The following USP13 variants were observed in gnomAD, a reference collection of about 807,000 sequenced individuals.
The protein encoded by USP13 is ubiquitin carboxyl-terminal hydrolase 13.
USP13 carries 68 observed loss-of-function variants against 107.8 expected under a neutral mutation model. The ratio of observed to expected loss-of-function variants is 0.63; its 90% CI spans 0.52 to 0.77. The LOEUF (loss-of-function observed/expected upper bound fraction) is 0.77, where lower values mean the gene tolerates loss of function less well. Ranked by LOEUF, USP13 falls within the 30% of genes least tolerant of loss-of-function variation. The pLI, the probability that USP13 is intolerant of heterozygous loss-of-function variation, is 0.00. For missense variants in USP13, 945 were observed against 1,093.3 expected (o/e 0.86, Z 1.91); for synonymous variants, 377 against 389.5 (o/e 0.97, Z 0.38).
intron 19 of USP13, among the ~76,000 whole-genome samples, chr3:179,771,637 A>C (rs1264940831): frequency 2.0e-5 from 3 of 152,192 alleles, no homozygotes; most frequent in African/African-American, 7.2e-5. Flanking sequence ...GTGTTAGGTT[A>C]CTGTTGCTTT....
chr3:179,700,381 C>G (rs549188822), intron 3 of USP13, among the ~76,000 whole-genome samples: 1 of 152,132 alleles, frequency 6.6e-6, no homozygotes, highest in Non-Finnish European at 1.5e-5. Flanking sequence ...TTATTGACTA[C>G]CTATTATATG....
intron 1 of USP13, among the ~76,000 whole-genome samples, chr3:179,657,836 A>G (rs925043084): frequency 6.6e-6 from 1 of 150,806 alleles, no homozygotes; most frequent in Non-Finnish European, 1.5e-5. Context: ...TCTGGTTGTC[A>G]GGGGTTGTGT....
chr3:179,777,193 G>A (rs1715572942), intron 19 of USP13, among the ~76,000 whole-genome samples: 1 of 152,084 alleles, frequency 6.6e-6, no homozygotes, highest in Non-Finnish European at 1.5e-5. Flanking sequence ...AACAAAGAGA[G>A]GAAAATGCTT....
chr3:179,699,430 A>G (rs74765892), intron 3 of USP13, among the ~76,000 whole-genome samples: 3,146 of 152,274 alleles, frequency 0.021, 123 homozygotes, highest in African/African-American at 0.073. Context: ...AAAACATTGA[A>G]ACCAGGCGTG....
intron 3 of USP13, among the ~76,000 whole-genome samples, chr3:179,695,796 C>T (rs1035776186): frequency 2.6e-5 from 4 of 152,022 alleles, no homozygotes; most frequent in Non-Finnish European, 4.4e-5. Context: ...ATTCTCTCAG[C>T]GATTGTCTAT....
chr3:179,658,854 A>T (rs116218031), intron 1 of USP13, among the ~76,000 whole-genome samples: 13,599 of 152,196 alleles, frequency 0.089, 820 homozygotes, highest in Non-Finnish European at 0.13. Context: ...AAGTATTTTG[A>T]CAAGCTGAGC....
chr3:179,700,854 C>CAGAT (rs1207185145), intron 3 of USP13, among the ~76,000 whole-genome samples, 154 bp from the exon 4 acceptor site: 1 of 152,154 alleles, frequency 6.6e-6, no homozygotes, highest in African/African-American at 2.4e-5. Flanking sequence ...TGGTTGAGGA[C>CAGAT]AGATGGACGG....
chr3:179,762,859 A>G (rs1715053021), intron 17 of USP13, among the ~76,000 whole-genome samples: 1 of 152,210 alleles, frequency 6.6e-6, no homozygotes, highest in South Asian at 2.1e-4. Context: ...TCCACCAGTA[A>G]TGAATGTGAG....
intron 17 of USP13, among the ~76,000 whole-genome samples, chr3:179,761,581 G>A (rs1001627798): frequency 6.6e-6 from 1 of 152,100 alleles, no homozygotes; most frequent in Non-Finnish European, 1.5e-5. Flanking sequence ...AATTAGCTGG[G>A]CATGGTGGTG....
At chr3:179,673,463 G>A (rs1271517497) in intron 1 of USP13, among the ~76,000 whole-genome samples, 1 of 152,170 alleles carries the variant, frequency 6.6e-6, no homozygotes, top group African/African-American at 2.4e-5. Flanking sequence ...CAATTTTCCT[G>A]CCTTCAAGGA....
intron 1 of USP13, among the ~76,000 whole-genome samples, chr3:179,659,997 C>G (rs1322116148): frequency 6.6e-6 from 1 of 152,142 alleles, no homozygotes; most frequent in South Asian, 2.1e-4. Flanking sequence ...GAGCCAAGAT[C>G]CCGCTATTCC....
intron 1 of USP13, among the ~76,000 whole-genome samples, chr3:179,667,825 T>G (rs1231454551): frequency 6.6e-6 from 1 of 152,210 alleles, no homozygotes; most frequent in Non-Finnish European, 1.5e-5. Context: ...TTTTTATATT[T>G]TTAGTAGAGA....
chr3:179,676,958 A>C (rs1028044491), intron 1 of USP13, among the ~76,000 whole-genome samples: 3 of 151,964 alleles, frequency 2.0e-5, no homozygotes, highest in South Asian at 2.1e-4. Flanking sequence ...TCCTGGGTTC[A>C]AGCGATTCTC....
chr3:179,701,873 T>C (rs896092481), intron 4 of USP13, among the ~76,000 whole-genome samples: 2 of 152,224 alleles, frequency 1.3e-5, no homozygotes, highest in African/African-American at 4.8e-5. Flanking sequence ...AGCCAGGTTT[T>C]GTTTTCCTTC....
intron 16 of USP13, among the ~76,000 whole-genome samples, chr3:179,757,340 A>C (rs1350702930): frequency 6.6e-6 from 1 of 152,128 alleles, no homozygotes; most frequent in Non-Finnish European, 1.5e-5. Context: ...GACCTGGAGT[A>C]ATTTACTTAC....
intron 6 of USP13, among the ~76,000 whole-genome samples, chr3:179,714,373 A>G (rs915559189): frequency 1.3e-5 from 2 of 152,206 alleles, no homozygotes; most frequent in Admixed American, 6.5e-5. Context: ...GAATCAGGGC[A>G]CGGACTACTT....
rs189899791 is a variant in USP13, at chr3:179,672,205, G to A, written c.169-9673G>A. Among the ~76,000 whole-genome samples, 7 of 152,144 alleles carry A rather than the reference G, an allele frequency of 4.6e-5. No homozygotes were observed. In the East Asian group the frequency reaches 1.3e-3, roughly 29 times the overall value. On this transcript the variant is annotated intron_variant, in intron 1 of 20. Coordinates refer to ENST00000263966, the MANE Select transcript of USP13 (RefSeq NM_003940.3). ...CACCGTTTTAACATTCTTTTAAACGGCAGGCAATATAAAATCAGTGACTTT... is the reference window on the plus strand; with the variant it reads ...CACCGTTTTAACATTCTTTTAAACGACAGGCAATATAAAATCAGTGACTTT...
intron 2 of USP13, among the ~76,000 whole-genome samples, chr3:179,683,960 G>A (rs560934758): frequency 5.9e-5 from 9 of 151,968 alleles, no homozygotes; most frequent in South Asian, 2.1e-4. Flanking sequence ...CACCCTTTTC[G>A]TTTTATTTAT....
intron 3 of USP13, 39 bp downstream of exon 3, chr3:179,690,340 G>C (rs1346533196): frequency 1.9e-6 from 3 of 1,561,226 alleles, no homozygotes; most frequent in Non-Finnish European, 1.8e-6. Context: ...TTTTGTGTTT[G>C]TGTGTGTGTA....
Sources: gnomAD v4.1 joint callset for allele counts (sites outside exome capture counted in the v4.1 genomes callset) on GRCh38, gnomAD v4.1.1 for gene constraint, MANE v1.5 for transcripts, NCBI Gene and HGNC (gene_info 2026-07-23, HGNC 2026-07-21) for gene names.